Variants in NIPBL observed in about 807,000 individuals in gnomAD.
NIPBL encodes NIPBL cohesin loading factor, also known as nipped-B-like protein.
NIPBL carries 19 observed loss-of-function variants against 321.8 expected under a neutral mutation model. The observed-to-expected ratio is 0.06, with a 90% CI of 0.04 to 0.09. The LOEUF (loss-of-function observed/expected upper bound fraction) is 0.09. Ranked by LOEUF, NIPBL falls within the 10% of genes least tolerant of loss-of-function variation. The pLI is 1.00. For missense variants in NIPBL, 2,210 were observed against 3,327.0 expected (o/e 0.66, Z 8.26); for synonymous variants, 1,106 against 1,114.1 (o/e 0.99, Z 0.14).
At position 37,065,121 on chromosome 5, in the gene NIPBL, T is replaced by G. The variant is rs1019611877; in HGVS notation, c.*229T>G. ...TTTTTACTCCCACTGTATTATAGTT[T>G]AACAAAAATTGTTTATATCTTGGAA... On this transcript the variant is annotated 3_prime_UTR_variant, in exon 47 of 47. Coordinates refer to ENST00000282516, the MANE Select transcript of NIPBL (RefSeq NM_133433.4). The G allele has an allele frequency of 1.9e-6, 1 of 539,718 alleles. No homozygotes were observed. The allele number at this position is 539,718 out of a possible 1,614,324, so 33.4% of individuals were successfully genotyped here.
intron 16 of NIPBL, 23 bp downstream of exon 16, chr5:37,003,370 T>A: frequency 7.3e-7 from 1 of 1,376,040 alleles, no homozygotes; most frequent in Non-Finnish European, 1.0e-6. Flanking sequence ...TCCATACTGT[T>A]AATTTTACCC....
intron 1 of NIPBL, among the ~76,000 whole-genome samples, chr5:36,952,588 T>G (rs10941319): frequency 0.12 from 17,633 of 152,222 alleles, 1,103 homozygotes; most frequent in Admixed American, 0.18. Flanking sequence ...TTTGGGGGCT[T>G]GGAACAGAAT....
chr5:36,948,189 C>G (rs71617774), intron 1 of NIPBL, among the ~76,000 whole-genome samples: 16,096 of 151,884 alleles, frequency 0.11, 1,131 homozygotes, highest in Admixed American at 0.19. Flanking sequence ...ATCTTGTTAA[C>G]CATTGTACTT....
intron 1 of NIPBL, among the ~76,000 whole-genome samples, chr5:36,942,344 A>G (rs569567972): frequency 1.4e-5 from 2 of 145,690 alleles, no homozygotes; most frequent in Admixed American, 1.4e-4. Context: ...AGGCACAAGA[A>G]TGGCTTGAAC....
chr5:36,885,599 A>T lies in NIPBL; in HGVS notation c.-80+8421A>T, dbSNP rs540574808. On this transcript the variant is annotated intron_variant, in intron 1 of 46. Transcript: ENST00000282516. Reference sequence around the variant, plus strand: ...AGACTGGGGCCATTACTTCAAGACCATCGAGGATCTGAGGGCTCAGATCTT... The same window carrying T: ...AGACTGGGGCCATTACTTCAAGACCTTCGAGGATCTGAGGGCTCAGATCTT... The T allele has an allele frequency of 2.4e-5, 13 of 534,296 alleles. No individual in the cohort carries two copies. The African/African-American group carries it at 2.5e-4, about 10-fold the overall frequency. The allele number at this position is 534,296 out of a possible 1,614,324, so 33.1% of individuals were successfully genotyped here. A position where few individuals can be genotyped will look rare whatever the true frequency, so the allele number is the denominator to read the frequency against.
chr5:37,049,914 A>AT (rs1753352202), intron 40 of NIPBL, among the ~76,000 whole-genome samples: 3 of 152,118 alleles, frequency 2.0e-5, no homozygotes, highest in Admixed American at 2.0e-4. Flanking sequence ...ACCCTTCAAG[A>AT]TTTTTATTTT....
chr5:36,997,867 T>A (rs1746320374), intron 11 of NIPBL, among the ~76,000 whole-genome samples: 1 of 151,992 alleles, frequency 6.6e-6, no homozygotes, highest in Non-Finnish European at 1.5e-5. Flanking sequence ...TTGCAAGCAT[T>A]ATGCTGCTGA....
In NIPBL at chr5:37,065,800, T is replaced by A. The variant is rs1401617881; in HGVS notation, c.*908T>A. 1.3e-5 allele frequency: 2 copies of A among 152,626 alleles called. No homozygotes were observed. The highest frequency in any genetic ancestry group is 3.8e-4 in the East Asian group (2 of 5,198). The allele number at this position is 152,626 out of a possible 1,614,324, so 9.5% of individuals were successfully genotyped here. A position where few individuals can be genotyped will look rare whatever the true frequency, so the allele number is the denominator to read the frequency against. On this transcript the variant is annotated 3_prime_UTR_variant, in exon 47 of 47. Transcript: ENST00000282516. ...ACATTTTCAAGAGTACATTTTGATATAAAAAGAAACTATAGTTTATTCCTT... is the reference window on the plus strand; with the variant it reads ...ACATTTTCAAGAGTACATTTTGATAAAAAAAGAAACTATAGTTTATTCCTT...
At position 37,049,309 on chromosome 5, in the gene NIPBL, T is replaced by C. The variant is rs1194267817; in HGVS notation, c.6954+8T>C. 1 of 1,613,754 alleles carries C rather than the reference T, an allele frequency of 6.2e-7. No individual in the cohort carries two copies. The highest frequency in any genetic ancestry group is 8.5e-7 in the Non-Finnish European group (1 of 1,179,816). The stretch of plus-strand genomic sequence containing the variant: ...CTTATTCATCCAGTTCAGGTAAGCA[T>C]GTTTTATGGCAGCAGCACTTACTAA... On this transcript the variant is annotated splice_region_variant and intron_variant, in intron 40 of 46. Transcript: ENST00000282516.
At chr5:36,952,069 C>CGCGCGT (rs1561070378) in intron 1 of NIPBL, among the ~76,000 whole-genome samples, 2 of 122,118 alleles carry the variant, frequency 1.6e-5, no homozygotes, top group African/African-American at 3.1e-5. Flanking sequence ...CGCGCGCGCG[C>CGCGCGT]GCGCATGTGT....
intron 42 of NIPBL, among the ~76,000 whole-genome samples, chr5:37,053,221 A>G (rs1282812043): frequency 6.6e-6 from 1 of 152,206 alleles, no homozygotes; most frequent in Non-Finnish European, 1.5e-5. Flanking sequence ...TTCCTGGGCT[A>G]CAAACCTGTA....
chr5:37,020,440 C>A lies in NIPBL; in HGVS notation c.5011-19C>A. The A allele has an allele frequency of 6.5e-7, 1 of 1,528,260 alleles. No homozygotes were observed. Among genetic ancestry groups the A allele is most frequent in the Middle Eastern group, 1.9e-4 (1 of 5,374 alleles). The allele number at this position is 1,528,260 out of a possible 1,614,324, so 94.7% of individuals were successfully genotyped here. On this transcript the variant is annotated intron_variant, in intron 25 of 46. Transcript: ENST00000282516. ...GTTGCTAATTTCATCAAGCTCAAGT[C>A]TGTCTAATTTCTTTCCAGTTTTCTC...
chr5:37,025,352 A>T (rs1425185614), intron 30 of NIPBL, among the ~76,000 whole-genome samples: 1 of 152,228 alleles, frequency 6.6e-6, no homozygotes, highest in Admixed American at 6.5e-5. Flanking sequence ...TTTTCAAATG[A>T]TTTTAGTTTT....
Position 36,985,253 on chromosome 5 carries a change from C to T in NIPBL, c.2073C>T (p.Gly691=), listed in dbSNP as rs1744625800. Residue 691 remains glycine (G), a synonymous_variant, in exon 10 of 47, where the codon GGC becomes GGT. Coordinates refer to ENST00000282516, the MANE Select transcript of NIPBL (RefSeq NM_133433.4). ...CAAATGACAACAAACAAAATAATGG[C>T]AGATCAGAAACAACAAAATCAAGGC... is the stretch of plus-strand genomic sequence containing the variant. ...TKPNDNKQNN[G]RSETTKSRPE... 6.2e-7 allele frequency: 1 copy of T among 1,613,638 alleles called. No homozygotes were observed. The highest frequency in any genetic ancestry group is 8.5e-7 in the Non-Finnish European group (1 of 1,179,924).
At chr5:36,930,983 A>C (rs1012440160) in intron 1 of NIPBL, among the ~76,000 whole-genome samples, 1 of 152,130 alleles carries the variant, frequency 6.6e-6, no homozygotes, top group South Asian at 2.1e-4. Context: ...CATGAGGGAT[A>C]TTGGTCTGTA....
chr5:36,971,267 T>TAA (rs11464185), intron 7 of NIPBL, among the ~76,000 whole-genome samples: 210 of 146,670 alleles, frequency 1.4e-3, no homozygotes, highest in South Asian at 1.9e-3. Flanking sequence ...AAGAGTTATT[T>TAA]AAAAAAAAAA....
intron 16 of NIPBL, among the ~76,000 whole-genome samples, chr5:37,005,698 A>T (rs1375558154): frequency 1.3e-5 from 2 of 152,164 alleles, no homozygotes; most frequent in East Asian, 3.9e-4. Flanking sequence ...TATAGTTTAT[A>T]TTTCATAACT....
chr5:36,976,965 T>TA (rs1275407916), intron 9 of NIPBL, among the ~76,000 whole-genome samples: 1 of 152,058 alleles, frequency 6.6e-6, no homozygotes, highest in Non-Finnish European at 1.5e-5. Flanking sequence ...TGGTGGTAAT[T>TA]ACAGTGAAGT....
chr5:37,016,878 G>C, intron 23 of NIPBL, 141 bp from the exon 24 acceptor site: 1 of 575,832 alleles, frequency 1.7e-6, no homozygotes. Flanking sequence ...AGGCAAAAAT[G>C]ACTTTATGGG....
Sources: allele counts gnomAD v4.1 joint callset (sites outside exome capture counted in the v4.1 genomes callset), GRCh38; gene constraint gnomAD v4.1.1; transcripts MANE v1.5; gene names NCBI Gene and HGNC (gene_info 2026-07-23, HGNC 2026-07-21).